Variants in GPHN observed in about 807,000 individuals in gnomAD.
GPHN encodes gephyrin.
A neutral mutation model predicts 95.5 loss-of-function variants in GPHN; 17 were observed. That is an observed-to-expected ratio of 0.18 (90% confidence interval 0.12 to 0.27). The LOEUF (loss-of-function observed/expected upper bound fraction) is 0.27. Ranked by LOEUF, GPHN falls within the 10% of genes least tolerant of loss-of-function variation. The probability of loss-of-function intolerance (pLI) is 1.00; values close to 1 mark genes in which losing one functional copy is unlikely to be tolerated. For missense variants in GPHN, 660 were observed against 978.1 expected, an observed-to-expected ratio of 0.67 and a Z score of 4.34; for synonymous variants, 320 against 322.5, an observed-to-expected ratio of 0.99 and a Z score of 0.08.
intron 1 of GPHN, among the ~76,000 whole-genome samples, chr14:66,511,664 G>A (rs2058044520): frequency 6.6e-6 from 1 of 151,972 alleles, no homozygotes; most frequent in Non-Finnish European, 1.5e-5. Context: ...GGCAAATTTA[G>A]TACATAGTCT....
At chr14:67,351,674 A>G in the GPHN span, among the ~76,000 whole-genome samples, 1 of 151,820 alleles carries the variant, frequency 6.6e-6, no homozygotes, top group African/African-American at 2.4e-5. Context: ...ACACTCTGCT[A>G]ATTTTCTTCT....
intron 2 of GPHN, among the ~76,000 whole-genome samples, chr14:66,753,051 A>C (rs1294399450): frequency 2.0e-5 from 3 of 152,112 alleles, no homozygotes; most frequent in African/African-American, 4.8e-5. Flanking sequence ...TTAAATAATG[A>C]AAATTTATGG....
the GPHN span, among the ~76,000 whole-genome samples, chr14:67,464,248 C>T: frequency 6.6e-6 from 1 of 152,184 alleles, no homozygotes; most frequent in Admixed American, 6.5e-5. Context: ...CAATCCATGA[C>T]CTCTGAGAGA....
chr14:66,670,177 C>T (rs999820384), intron 1 of GPHN, among the ~76,000 whole-genome samples: 9 of 152,088 alleles, frequency 5.9e-5, no homozygotes, highest in South Asian at 4.1e-4. Flanking sequence ...GTAGGTAAGG[C>T]GGAAGGTTTT....
At chr14:67,574,012 G>A in the GPHN span, 49 of 761,262 alleles carry the variant, frequency 6.4e-5, no homozygotes, top group Middle Eastern at 2.9e-4. The surrounding 1 kb of genome is among the most constrained non-coding windows in gnomAD (Gnocchi z 4.2). Context: ...ACATTTGGAC[G>A]TGATCCTAAC....
chr14:67,004,070 A>C (rs959106411), intron 9 of GPHN, among the ~76,000 whole-genome samples: 4 of 151,774 alleles, frequency 2.6e-5, no homozygotes, highest in Non-Finnish European at 5.9e-5. Flanking sequence ...AATTTCAGAA[A>C]ATGGAAGGGA....
At chr14:67,564,288 CG>C in the GPHN span, among the ~76,000 whole-genome samples, 2 of 152,086 alleles carry the variant, frequency 1.3e-5, no homozygotes, top group African/African-American at 4.8e-5. Flanking sequence ...TAGGCAACTG[CG>C]CCAGGCCAGC....
the GPHN span, chr14:67,725,365 C>A: frequency 4.5e-6 from 5 of 1,109,216 alleles, no homozygotes; most frequent in Admixed American, 2.0e-5. Context: ...CCCCACTAGA[C>A]AGGTTCTGCC....
At chr14:67,495,247 C>T in the GPHN span, among the ~76,000 whole-genome samples, 1 of 151,928 alleles carries the variant, frequency 6.6e-6, no homozygotes, top group Non-Finnish European at 1.5e-5. Context: ...CTCCTGGAAA[C>T]ATTTCCTCTT....
chr14:67,111,883 G>A lies in GPHN; in HGVS notation c.1436G>A (p.Arg479Gln), dbSNP rs375788848. 18 of 1,613,248 alleles carry A rather than the reference G, an allele frequency of 1.1e-5. No homozygotes were observed. The highest frequency in any genetic ancestry group is 1.7e-5 in the Admixed American group (1 of 59,980). Residue 479 changes from arginine to glutamine, a missense_variant, in exon 15 of 23, where the codon CGA (arginine) becomes CAA (glutamine). Coordinates refer to ENST00000478722, the MANE Select transcript of GPHN (RefSeq NM_020806.5). ...TAGGGCACTGAAGAACTTGAAGTGC[G>A]AATTCTGGTGCAAGCTCGGCCAGGC... Reference protein sequence around the residue: ...SDDGTEELEVRILVQARPGQD... With the variant: ...SDDGTEELEVQILVQARPGQD...
At chr14:67,042,191 A>T (rs113125771) in intron 10 of GPHN, among the ~76,000 whole-genome samples, 1 of 151,366 alleles carries the variant, frequency 6.6e-6, no homozygotes, top group Non-Finnish European at 1.5e-5. Context: ...TAGTTTCTAA[A>T]TTTTTTAGTT....
the GPHN span, among the ~76,000 whole-genome samples, chr14:67,244,106 A>AT: frequency 1.3e-5 from 2 of 152,066 alleles, no homozygotes; most frequent in Admixed American, 1.3e-4. Context: ...TCTGTCATGG[A>AT]TTTTTTCCGT....
At chr14:67,439,156 G>C in the GPHN span, among the ~76,000 whole-genome samples, 2 of 152,196 alleles carry the variant, frequency 1.3e-5, no homozygotes, top group African/African-American at 4.8e-5. Flanking sequence ...TCATTATTTT[G>C]TCTCTGTGCC....
At chr14:67,651,125 T>A in the GPHN span, 1 of 904,982 alleles carries the variant, frequency 1.1e-6, no homozygotes, top group Non-Finnish European at 1.6e-6. Flanking sequence ...CACAGGGTAT[T>A]AATATGCTAC....
chr14:66,629,117 A>T (rs940923841), intron 1 of GPHN, among the ~76,000 whole-genome samples: 22 of 136,862 alleles, frequency 1.6e-4, no homozygotes, highest in African/African-American at 4.9e-4. Context: ...ATATACATAT[A>T]TAAATATGTA....
intron 9 of GPHN, among the ~76,000 whole-genome samples, chr14:66,998,637 C>G (rs187724761): frequency 6.0e-4 from 92 of 152,134 alleles, no homozygotes; most frequent in Non-Finnish European, 2.4e-4. Context: ...CTTTCCCTTA[C>G]ATTTACATCA....
At chr14:67,174,016 A>G (rs1195367326) in intron 21 of GPHN, among the ~76,000 whole-genome samples, 1 of 152,214 alleles carries the variant, frequency 6.6e-6, no homozygotes, top group Admixed American at 6.5e-5. Flanking sequence ...GAAAAAAAGA[A>G]ATAACAATGA....
intron 1 of GPHN, among the ~76,000 whole-genome samples, chr14:66,532,707 G>A (rs969335479): frequency 6.6e-6 from 1 of 152,106 alleles, no homozygotes; most frequent in African/African-American, 2.4e-5. Flanking sequence ...ACACAAGATT[G>A]GGTCCTAGGA....
chr14:67,257,423 G>A, the GPHN span, among the ~76,000 whole-genome samples: 1 of 152,104 alleles, frequency 6.6e-6, no homozygotes, highest in African/African-American at 2.4e-5. Flanking sequence ...GTCTGACATA[G>A]TTCCCAGCTT....
Sources: gnomAD v4.1 joint callset for allele counts (sites outside exome capture counted in the v4.1 genomes callset) on GRCh38, gnomAD v4.1.1 for gene constraint, Gnocchi (gnomAD v3.1) non-coding constraint, MANE v1.5 for transcripts, NCBI Gene and HGNC (gene_info 2026-07-23, HGNC 2026-07-21) for gene names.